Variants in KLHL5 observed in about 807,000 individuals in gnomAD.
KLHL5 encodes the protein kelch-like protein 5.
Under a neutral mutation model 77.7 loss-of-function variants are expected in KLHL5, and 48 were observed. The observed-to-expected ratio is 0.62, with a 90% CI of 0.49 to 0.79. The LOEUF (loss-of-function observed/expected upper bound fraction) is 0.79, where lower values mean the gene tolerates loss of function less well. Ranked by LOEUF, KLHL5 falls within the 30% of genes least tolerant of loss-of-function variation. The pLI, the probability that KLHL5 is intolerant of heterozygous loss-of-function variation, is 0.00. For synonymous variants in KLHL5, 260 were observed against 297.0 expected (o/e 0.88, Z 1.28); for missense variants, 723 against 859.7 (o/e 0.84, Z 1.99).
At chr4:39,119,496 G>A (rs981193219) in intron 10 of KLHL5, among the ~76,000 whole-genome samples, 4 of 152,168 alleles carry the variant, frequency 2.6e-5, no homozygotes, top group African/African-American at 9.7e-5. Context: ...TGCGGCATGA[G>A]AATTGCTTGA....
intron 1 of KLHL5, among the ~76,000 whole-genome samples, chr4:39,048,388 C>G (rs1288306337): frequency 6.6e-6 from 1 of 152,212 alleles, no homozygotes; most frequent in Admixed American, 6.5e-5. Flanking sequence ...TTCATTGCTT[C>G]ACTCCATTTA....
chr4:39,110,380 C>A (rs1203501989), intron 8 of KLHL5, among the ~76,000 whole-genome samples: 4 of 152,076 alleles, frequency 2.6e-5, no homozygotes, highest in Non-Finnish European at 5.9e-5. Context: ...TCAGGAAATT[C>A]TTCAGTTAAA....
chr4:39,127,532 C>T (rs1723603697), downstream of KLHL5, among the ~76,000 whole-genome samples: 1 of 152,106 alleles, frequency 6.6e-6, no homozygotes. Context: ...ACTACGTCCA[C>T]AACTTCCTGG....
At chr4:39,054,753 T>G (rs1301894049) in intron 1 of KLHL5, among the ~76,000 whole-genome samples, 1 of 152,034 alleles carries the variant, frequency 6.6e-6, no homozygotes, top group Non-Finnish European at 1.5e-5. Flanking sequence ...CTGAACTGAC[T>G]TACAGCTCTA....
At chr4:39,141,502 G>A in the KLHL5 span, among the ~76,000 whole-genome samples, 4 of 151,908 alleles carry the variant, frequency 2.6e-5, no homozygotes, top group South Asian at 2.1e-4. Flanking sequence ...TAGTAGAGAC[G>A]GAATTTCACC....
In KLHL5 at chr4:39,125,907, G is replaced by A. The variant is rs753943871; in HGVS notation, c.*4841G>A. The stretch of plus-strand genomic sequence containing the variant: ...ATGTCATAACAATAGCATTCTGTAC[G>A]CTTCACTAGGATAAAAACTTCGGAT... On this transcript the variant is annotated 3_prime_UTR_variant, in exon 11 of 11. Transcript: ENST00000504108. Among the ~76,000 whole-genome samples, 4 of 152,128 alleles carry A rather than the reference G, an allele frequency of 2.6e-5. No individual in the cohort carries two copies. The highest frequency in any genetic ancestry group is 5.9e-5 in the Non-Finnish European group (4 of 68,032).
the KLHL5 span, among the ~76,000 whole-genome samples, chr4:39,142,941 G>T: frequency 6.6e-6 from 1 of 152,192 alleles, no homozygotes; most frequent in Non-Finnish European, 1.5e-5. Context: ...GCTGTAGAGG[G>T]ATAGCTCTAG....
At chr4:39,067,020 A>G (rs1717949118) in intron 1 of KLHL5, among the ~76,000 whole-genome samples, 1 of 152,216 alleles carries the variant, frequency 6.6e-6, no homozygotes, top group Non-Finnish European at 1.5e-5. Context: ...TATATCTCAC[A>G]TTAATATGGT....
At chr4:39,086,904 C>CTTTTTTTTTTTT (rs71643263) in intron 5 of KLHL5, among the ~76,000 whole-genome samples, 177 bp downstream of exon 5, 2 of 78,346 alleles carry the variant, frequency 2.6e-5, no homozygotes, top group Non-Finnish European at 2.3e-5. Flanking sequence ...AAGTAACATT[C>CTTTTTTTTTTTT]TTTTTTTTTT....
intron 8 of KLHL5, among the ~76,000 whole-genome samples, chr4:39,108,909 C>G (rs2109553226): frequency 6.6e-6 from 1 of 152,278 alleles, no homozygotes; most frequent in African/African-American, 2.4e-5. Flanking sequence ...AACCTGATTT[C>G]CGGACCTACC....
At chr4:39,086,175 C>T (rs147042881) in intron 4 of KLHL5, among the ~76,000 whole-genome samples, 16 of 152,338 alleles carry the variant, frequency 1.1e-4, no homozygotes, top group African/African-American at 3.8e-4. Context: ...GAGTATCATA[C>T]ATCTCAGTGT....
chr4:39,114,831 T>C (rs960581695), intron 9 of KLHL5, among the ~76,000 whole-genome samples: 4 of 152,212 alleles, frequency 2.6e-5, no homozygotes, highest in Non-Finnish European at 5.9e-5. Context: ...AATGGACAGC[T>C]ACAATGATTG....
chr4:39,051,570 G>A (rs757630930), intron 1 of KLHL5, among the ~76,000 whole-genome samples: 1 of 152,194 alleles, frequency 6.6e-6, no homozygotes, highest in South Asian at 2.1e-4. Context: ...TAGTTTGCCA[G>A]CAGGGCAGCA....
chr4:39,066,694 A>G (rs1179185307), intron 1 of KLHL5, among the ~76,000 whole-genome samples: 1 of 152,196 alleles, frequency 6.6e-6, no homozygotes. Flanking sequence ...CATCTGTGTT[A>G]AAAAATAATC....
At chr4:39,086,192 C>T (rs1230002519) in intron 4 of KLHL5, among the ~76,000 whole-genome samples, 1 of 152,218 alleles carries the variant, frequency 6.6e-6, no homozygotes, top group Non-Finnish European at 1.5e-5. Context: ...GTGTCTAATT[C>T]ATTATTTCTC....
upstream of KLHL5, among the ~76,000 whole-genome samples, chr4:39,058,506 A>G (rs1332218320): frequency 6.6e-6 from 1 of 151,852 alleles, no homozygotes; most frequent in East Asian, 1.9e-4. Context: ...AGTCCCAGTT[A>G]CCTGGGAGGC....
intron 1 of KLHL5, among the ~76,000 whole-genome samples, chr4:39,045,255 C>T (rs1251921198): frequency 6.7e-6 from 1 of 150,322 alleles, no homozygotes; most frequent in African/African-American, 2.4e-5. Context: ...CCCTCGGGTC[C>T]GGAGGGGCTG....
intron 1 of KLHL5, among the ~76,000 whole-genome samples, chr4:39,048,012 T>C (rs1052894376): frequency 1.3e-5 from 2 of 152,206 alleles, no homozygotes; most frequent in African/African-American, 4.8e-5. Flanking sequence ...ATAAATTCAT[T>C]TATGGAATAA....
In KLHL5 at chr4:39,062,536, T is replaced by C; in HGVS notation, c.-117T>C. On this transcript the variant is annotated 5_prime_UTR_variant, in exon 1 of 11. Transcript: ENST00000504108. ...ATATATGAATGTGATTTATTTTCCT[T>C]TACATATTTTTGTTGTGTACAGCAG... is the stretch of plus-strand genomic sequence containing the variant. 2.5e-6 allele frequency: 4 copies of C among 1,610,558 alleles called. No homozygotes were observed. Among genetic ancestry groups the C allele is most frequent in the Non-Finnish European group, 2.5e-6 (3 of 1,177,162 alleles).
Sources: gnomAD v4.1 joint callset for allele counts (sites outside exome capture counted in the v4.1 genomes callset) on GRCh38, gnomAD v4.1.1 for gene constraint, MANE v1.5 for transcripts, NCBI Gene and HGNC (gene_info 2026-07-23, HGNC 2026-07-21) for gene names.